The following RGS7 variants were observed in gnomAD, a reference collection of about 807,000 sequenced individuals.
RGS7 encodes regulator of G-protein signaling 7.
A neutral mutation model predicts 81.1 loss-of-function variants in RGS7; 27 were observed. The ratio of observed to expected loss-of-function variants is 0.33; its 90% confidence interval spans 0.25 to 0.46. The LOEUF is 0.46. RGS7 is among the 20% of genes least tolerant of loss of function. The pLI is 1.00. For synonymous variants in RGS7, 208 were observed against 207.7 expected (o/e 1.00, Z -0.01); for missense variants, 396 against 607.4 (o/e 0.65, Z 3.66).
chr1:240,858,004 T>C (rs1451099255), intron 9 of RGS7, among the ~76,000 whole-genome samples: 1 of 152,230 alleles, frequency 6.6e-6, no homozygotes, highest in Non-Finnish European at 1.5e-5. Flanking sequence ...GTAAGTTTCC[T>C]GAGACCTCCC....
chr1:241,045,006 G>A (rs982318271), intron 3 of RGS7, among the ~76,000 whole-genome samples: 9 of 151,972 alleles, frequency 5.9e-5, no homozygotes, highest in Non-Finnish European at 1.2e-4. Context: ...TCTGTACTTC[G>A]AGTTTCTAAA....
chr1:240,848,416 TA>T (rs1320022432), intron 9 of RGS7, among the ~76,000 whole-genome samples: 2 of 152,118 alleles, frequency 1.3e-5, no homozygotes, highest in African/African-American at 4.8e-5. Context: ...TGCTAATAGA[TA>T]AAACTTGTAT....
rs749877050 is a variant in RGS7, at chr1:240,870,047, G to A, written c.450+8C>T. 6 of 1,613,020 alleles carry A rather than the reference G, an allele frequency of 3.7e-6. No individual in the cohort carries two copies. The highest frequency in any genetic ancestry group is 1.6e-4 in the Middle Eastern group (1 of 6,082). On this transcript the variant is annotated splice_region_variant and intron_variant, in intron 7 of 18. Coordinates refer to ENST00000440928, the MANE Select transcript of RGS7 (RefSeq NM_001364886.1). ...GACTATCTTTGCCAGAAGGTCCTTG[G>A]TACTTACAGCCTCATAGTCTGCGAG...
chr1:241,306,128 TCACACACA>T (rs3052437), intron 2 of RGS7, among the ~76,000 whole-genome samples: 3 of 149,672 alleles, frequency 2.0e-5, no homozygotes, highest in Non-Finnish European at 4.4e-5. Context: ...CATCTCTTTT[TCACACACA>T]CACACACACA....
rs188068467 is a variant in RGS7, at chr1:241,310,587, G to A, written c.78+45112C>T. 9.2e-4 allele frequency among the ~76,000 whole-genome samples: 139 copies of A among 150,660 alleles called. 2 individuals carry two copies. Among genetic ancestry groups the A allele is most frequent in the African/African-American group, 3.1e-3 (126 of 40,922 alleles). Reference sequence around the variant, plus strand: ...TTTTTTTAAACAATGTACTGCCCACGACAGTCACGGAAGTGATGAAAATCC... The same window carrying A: ...TTTTTTTAAACAATGTACTGCCCACAACAGTCACGGAAGTGATGAAAATCC... On this transcript the variant is annotated intron_variant, in intron 2 of 18. Transcript: ENST00000440928.
intron 6 of RGS7, among the ~76,000 whole-genome samples, chr1:240,885,557 G>A (rs1401177106): frequency 3.3e-5 from 5 of 152,184 alleles, no homozygotes; most frequent in South Asian, 2.1e-4. Flanking sequence ...CATGGGATAC[G>A]ATGCAGCCAT....
chr1:240,827,012 A>G (rs2147791809), intron 10 of RGS7, 86 bp downstream of exon 10: 2 of 1,063,908 alleles, frequency 1.9e-6, no homozygotes, highest in Non-Finnish European at 2.9e-6. Context: ...ATACTGCATG[A>G]CATGAGAAGA....
At chr1:241,331,563 T>C (rs943857554) in intron 2 of RGS7, among the ~76,000 whole-genome samples, 1 of 152,216 alleles carries the variant, frequency 6.6e-6, no homozygotes, top group African/African-American at 2.4e-5. Context: ...ACTTATTCAC[T>C]TGCATACTGT....
intron 9 of RGS7, among the ~76,000 whole-genome samples, chr1:240,867,066 G>A (rs1272551771): frequency 6.6e-6 from 1 of 152,180 alleles, no homozygotes; most frequent in Non-Finnish European, 1.5e-5. Flanking sequence ...CTATGCACCT[G>A]ACCTCATAAT....
chr1:240,930,559 T>C (rs1017587338), intron 6 of RGS7, among the ~76,000 whole-genome samples, 158 bp downstream of exon 6: 4 of 152,138 alleles, frequency 2.6e-5, no homozygotes, highest in Non-Finnish European at 5.9e-5. Context: ...CTGGTGACTT[T>C]CCAAACAAAG....
chr1:240,870,197 A>C, intron 6 of RGS7, 78 bp from the exon 7 acceptor site: 1 of 1,241,272 alleles, frequency 8.1e-7, no homozygotes, highest in Non-Finnish European at 1.2e-6. Flanking sequence ...ATTACAAATC[A>C]AGGGCATTGC....
At chr1:241,064,255 A>C (rs946495338) in intron 3 of RGS7, among the ~76,000 whole-genome samples, 3 of 151,704 alleles carry the variant, frequency 2.0e-5, no homozygotes, top group Non-Finnish European at 2.9e-5. Flanking sequence ...GTTTTTCACA[A>C]GACACCGATA....
chr1:241,094,890 G>T (rs1243956337), intron 3 of RGS7, among the ~76,000 whole-genome samples: 1 of 152,164 alleles, frequency 6.6e-6, no homozygotes, highest in Non-Finnish European at 1.5e-5. Flanking sequence ...GAGTTGTCTG[G>T]TGGAGTTGGG....
chr1:241,040,043 T>C (rs193256156), intron 3 of RGS7, among the ~76,000 whole-genome samples: 404 of 152,338 alleles, frequency 2.7e-3, no homozygotes, highest in Non-Finnish European at 4.3e-3. Context: ...TATGCTATCC[T>C]AAGTCTCATC....
chr1:240,787,001 A>T (rs1019156767), intron 18 of RGS7, among the ~76,000 whole-genome samples: 2 of 152,158 alleles, frequency 1.3e-5, no homozygotes, highest in African/African-American at 4.8e-5. Flanking sequence ...CTTCTGGCAC[A>T]TTCTGTCAAA....
At chr1:240,827,915 C>CT (rs1241138224) in intron 9 of RGS7, among the ~76,000 whole-genome samples, 1 of 146,144 alleles carries the variant, frequency 6.8e-6, no homozygotes, top group Non-Finnish European at 1.5e-5. Context: ...GGGTGCCTTG[C>CT]TTTTCCCAGG....
intron 2 of RGS7, among the ~76,000 whole-genome samples, chr1:241,150,100 G>C (rs2068639514): frequency 6.6e-6 from 1 of 152,034 alleles, no homozygotes; most frequent in Non-Finnish European, 1.5e-5. Context: ...ACAGACCAAG[G>C]GTACAATGCG....
intron 4 of RGS7, among the ~76,000 whole-genome samples, chr1:240,970,064 T>A (rs1210042330): frequency 1.3e-5 from 2 of 152,212 alleles, no homozygotes; most frequent in African/African-American, 4.8e-5. Flanking sequence ...AAATGTGAGC[T>A]TTCTTGCCCC....
chr1:241,096,457 G>A (rs2064264395), intron 3 of RGS7, among the ~76,000 whole-genome samples: 1 of 151,742 alleles, frequency 6.6e-6, no homozygotes, highest in African/African-American at 2.4e-5. Context: ...GCATCTAATT[G>A]AACCTACGAG....
Sources: allele counts gnomAD v4.1 joint callset (sites outside exome capture counted in the v4.1 genomes callset), GRCh38; gene constraint gnomAD v4.1.1; transcripts MANE v1.5; gene names NCBI Gene and HGNC (gene_info 2026-07-23, HGNC 2026-07-21).